C10orf90: variants seen among roughly 807,000 people sequenced by gnomAD.
The protein encoded by C10orf90 is chromosome 10 open reading frame 90, also known as (E2-independent) E3 ubiquitin-conjugating enzyme FATS.
Under a neutral mutation model 62.5 loss-of-function variants are expected in C10orf90, and 56 were observed. The ratio of observed to expected loss-of-function variants is 0.90; its 90% CI spans 0.72 to 1.12. The LOEUF (loss-of-function observed/expected upper bound fraction) is 1.12. Ranked by LOEUF, C10orf90 falls within the 50% of genes most tolerant of loss-of-function variation. The pLI is 0.00. For synonymous variants in C10orf90, 386 were observed against 340.4 expected (o/e 1.13, Z -1.47); for missense variants, 970 against 880.4 (o/e 1.10, Z -1.29).
intron 1 of C10orf90, among the ~76,000 whole-genome samples, chr10:126,661,277 T>C (rs1055507315): frequency 6.6e-6 from 1 of 152,232 alleles, no homozygotes; most frequent in Non-Finnish European, 1.5e-5. Context: ...CTCATTTTCA[T>C]GGGGTACAGC....
At chr10:126,541,670 G>C (rs936517210) in intron 2 of C10orf90, among the ~76,000 whole-genome samples, 3 of 152,142 alleles carry the variant, frequency 2.0e-5, no homozygotes, top group Non-Finnish European at 2.9e-5. Flanking sequence ...CCACTAAAAT[G>C]GCTATAATTA....
At chr10:126,574,342 C>T (rs1158408827) in intron 2 of C10orf90, among the ~76,000 whole-genome samples, 1 of 151,970 alleles carries the variant, frequency 6.6e-6, no homozygotes, top group Non-Finnish European at 1.5e-5. Context: ...GAAAAACGGT[C>T]AAAGGATACA....
At chr10:126,445,803 G>GTA (rs1227032547) in intron 7 of C10orf90, among the ~76,000 whole-genome samples, 2 of 67,040 alleles carry the variant, frequency 3.0e-5, no homozygotes, top group African/African-American at 1.3e-4. Flanking sequence ...AGAAACTGTG[G>GTA]TGTATATATA....
chr10:126,489,803 C>T (rs1315394523), intron 4 of C10orf90, among the ~76,000 whole-genome samples: 2 of 150,568 alleles, frequency 1.3e-5, no homozygotes, highest in African/African-American at 4.9e-5. Flanking sequence ...TAACATTATT[C>T]ATACTAGTCA....
chr10:126,483,196 T>G (rs543888312), intron 4 of C10orf90, among the ~76,000 whole-genome samples: 3 of 152,348 alleles, frequency 2.0e-5, no homozygotes, highest in Non-Finnish European at 4.4e-5. Context: ...AGAAAAGGAC[T>G]TGCCAAAGGC....
At chr10:126,483,423 C>T (rs1861265475) in intron 4 of C10orf90, among the ~76,000 whole-genome samples, 1 of 152,218 alleles carries the variant, frequency 6.6e-6, no homozygotes, top group South Asian at 2.1e-4. Context: ...AAAATCCTCT[C>T]TCAATCCTTT....
intron 2 of C10orf90, among the ~76,000 whole-genome samples, chr10:126,627,000 CTTT>C (rs61226052): frequency 2.2e-4 from 26 of 119,488 alleles, no homozygotes; most frequent in Non-Finnish European, 3.9e-4. Context: ...TTTTTCTTTT[CTTT>C]TTTTTTTTTT....
Position 126,551,823 on chromosome 10 carries a change from G to A in C10orf90, c.314-37884C>T, listed in dbSNP as rs534653301. On this transcript the variant is annotated intron_variant, in intron 2 of 9. Coordinates refer to ENST00000488181, the MANE Select transcript of C10orf90 (RefSeq NM_001350921.2). ...GCTGAACATTATCTCAAAAAGGCCT[G>A]CAGAATAACAAAGTAGCAGCTATGT... Among the ~76,000 whole-genome samples the A allele has an allele frequency of 6.6e-5, 10 of 152,314 alleles. No individual in the cohort carries two copies. The South Asian group carries it at 1.9e-3, about 28-fold the overall frequency.
chr10:126,464,548 A>G (rs1173717902), intron 5 of C10orf90, 148 bp downstream of exon 5: 10 of 958,712 alleles, frequency 1.0e-5, no homozygotes, highest in East Asian at 2.4e-5. Flanking sequence ...CTTGGCAACC[A>G]TTTGTCCCCT....
At chr10:126,468,304 T>C (rs568942957) in intron 4 of C10orf90, among the ~76,000 whole-genome samples, 12 of 152,268 alleles carry the variant, frequency 7.9e-5, no homozygotes, top group Admixed American at 2.6e-4. Flanking sequence ...CTTGACCCCG[T>C]GATCTGCCTG....
chr10:126,663,592 G>A (rs942753104), intron 1 of C10orf90, among the ~76,000 whole-genome samples: 4 of 152,096 alleles, frequency 2.6e-5, no homozygotes, highest in Admixed American at 6.5e-5. Flanking sequence ...CTCCTTGCAC[G>A]CAGTGGTCCT....
intron 7 of C10orf90, among the ~76,000 whole-genome samples, chr10:126,452,236 C>T (rs899487171): frequency 4.6e-5 from 7 of 151,760 alleles, no homozygotes; most frequent in Admixed American, 1.3e-4. Flanking sequence ...AAAACGTGGG[C>T]GTATGGTTTT....
chr10:126,473,512 G>A (rs60975169), intron 4 of C10orf90, among the ~76,000 whole-genome samples: 24,289 of 152,000 alleles, frequency 0.16, 2,025 homozygotes, highest in Middle Eastern at 0.23. Flanking sequence ...ATTTAGTGTG[G>A]ATGTGGATGT....
chr10:126,517,908 C>CAA (rs34182199), intron 2 of C10orf90, among the ~76,000 whole-genome samples: 347 of 80,746 alleles, frequency 4.3e-3, no homozygotes, highest in African/African-American at 0.01. Context: ...GACTCCATCT[C>CAA]AAAAAAAAAA....
At chr10:126,517,774 A>T (rs1863519271) in intron 2 of C10orf90, among the ~76,000 whole-genome samples, 1 of 151,998 alleles carries the variant, frequency 6.6e-6, no homozygotes, top group South Asian at 2.1e-4. Context: ...GCTAGGCATG[A>T]TGGTGTGCAT....
chr10:126,442,339 A>AT (rs1858391753), intron 7 of C10orf90, among the ~76,000 whole-genome samples: 1 of 150,654 alleles, frequency 6.6e-6, no homozygotes, highest in Non-Finnish European at 1.5e-5. Flanking sequence ...AAAAGGCCTT[A>AT]TCCAATTTTA....
In C10orf90 at chr10:126,426,005, C is replaced by A. The variant is rs752025882; in HGVS notation, c.2338G>T (p.Glu780Ter). The change falls in exon 9 of 10, where the codon GAA becomes TAA. Residue 780 changes from glutamate to a stop codon, truncating the protein, a stop_gained. Transcript: ENST00000488181. LOFTEE classifies it high-confidence loss of function. ...VILQSNRLRAEVFKKQLLDQL... is the reference protein window; with the variant it reads ...VILQSNRLRA ...GAGGCCATTACCTTTTTGAAGACTT[C>A]GGCACGGAGTCTGTTACTTTGTAAG... 1.2e-6 allele frequency: 2 copies of A among 1,614,162 alleles called. No homozygotes were observed. Among genetic ancestry groups the A allele is most frequent in the Non-Finnish European group, 1.7e-6 (2 of 1,180,008 alleles).
intron 4 of C10orf90, among the ~76,000 whole-genome samples, chr10:126,479,932 A>G (rs1861084047): frequency 6.6e-6 from 1 of 152,296 alleles, no homozygotes; most frequent in African/African-American, 2.4e-5. Context: ...ATCTTGCTCA[A>G]TTTCTTACAT....
chr10:126,665,256 G>C lies in C10orf90; in HGVS notation c.240+4985C>G, dbSNP rs1015480512. ...ATACTGCTTGGAGGCCGGGACTTCAGGGGGAAAGGTGAGACTCCAAAAGCT... is the reference window on the plus strand; with the variant it reads ...ATACTGCTTGGAGGCCGGGACTTCACGGGGAAAGGTGAGACTCCAAAAGCT... On this transcript the variant is annotated intron_variant, in intron 1 of 9. Transcript: ENST00000488181. Among the ~76,000 whole-genome samples, 6 of 152,178 alleles carry C rather than the reference G, an allele frequency of 3.9e-5. No homozygotes were observed. The South Asian group carries it at 6.2e-4, about 16-fold the overall frequency.
Sources: allele counts gnomAD v4.1 joint callset (sites outside exome capture counted in the v4.1 genomes callset), GRCh38; gene constraint gnomAD v4.1.1; transcripts MANE v1.5; gene names NCBI Gene and HGNC (gene_info 2026-07-23, HGNC 2026-07-21).